The following LMTK2 variants were observed in gnomAD, a reference collection of about 807,000 sequenced individuals.
The protein encoded by LMTK2 is lemur tail kinase 2.
LMTK2 carries 37 observed loss-of-function variants against 127.5 expected under a neutral mutation model. The ratio of observed to expected loss-of-function variants is 0.29; its 90% CI spans 0.22 to 0.38. The LOEUF (loss-of-function observed/expected upper bound fraction) is 0.38. Among genes scored for constraint, LMTK2 ranks in the 10% least tolerant of loss-of-function variants. The probability of loss-of-function intolerance (pLI) is 1.00; values close to 1 mark genes in which losing one functional copy is unlikely to be tolerated. For synonymous variants in LMTK2, 819 were observed against 810.1 expected, an observed-to-expected ratio of 1.01 and a Z score of -0.19; for missense variants, 1,694 against 1,920.3, an observed-to-expected ratio of 0.88 and a Z score of 2.20.
At position 98,209,449 on chromosome 7, in the gene LMTK2, G is replaced by A. The variant is rs564973932; in HGVS notation, c.*3957G>A. The A allele has an allele frequency of 1.3e-5, 2 of 152,280 alleles. No individual in the cohort carries two copies. Among genetic ancestry groups the A allele is most frequent in the South Asian group, 4.1e-4 (2 of 4,826 alleles). The allele number at this position is 152,280 out of a possible 1,614,324, so 9.4% of individuals were successfully genotyped here. A position where few individuals can be genotyped will look rare whatever the true frequency, so the allele number is the denominator to read the frequency against. ...GTCACACCCACCAGGCCTCCCTGCT[G>A]TGCTTTAACACAGGCAGAAGAGGTT... On this transcript the variant is annotated 3_prime_UTR_variant, in exon 14 of 14. Transcript: ENST00000297293.
At chr7:98,177,181 G>T (rs1408115727) in intron 7 of LMTK2, among the ~76,000 whole-genome samples, 2 of 152,194 alleles carry the variant, frequency 1.3e-5, no homozygotes, top group Admixed American at 6.5e-5. Context: ...ATTCATAAAA[G>T]AATTTGTTGT....
chr7:98,159,835 A>C (rs542105941), intron 6 of LMTK2, among the ~76,000 whole-genome samples: 21 of 152,302 alleles, frequency 1.4e-4, no homozygotes, highest in African/African-American at 4.3e-4. Context: ...CCCCTGAGAG[A>C]GCCCAAGAAT....
chr7:98,192,161 G>C lies in LMTK2; in HGVS notation c.1696G>C (p.Asp566His). ...EEKSGSNLEL[D>H]YPPALLTTDM... Reference sequence around the variant, plus strand: ...AAAAAGTGGTAGTAACTTGGAGCTTGATTACCCACCAGCGCTGCTCACAAC... The same window carrying C: ...AAAAAGTGGTAGTAACTTGGAGCTTCATTACCCACCAGCGCTGCTCACAAC... Residue 566 changes from aspartate (D) to histidine (H), a missense_variant, in exon 11 of 14, where the codon GAT (aspartate) becomes CAT (histidine). Physicochemically the swap from Asp to His is moderately conservative, Grantham distance 81. Coordinates refer to ENST00000297293, the MANE Select transcript of LMTK2 (RefSeq NM_014916.4). 6.5e-7 allele frequency: 1 copy of C among 1,529,298 alleles called. No individual in the cohort carries two copies. The highest frequency in any genetic ancestry group is 8.8e-7 in the Non-Finnish European group (1 of 1,141,156). 94.7% of individuals were successfully genotyped at this position (1,529,298 alleles called of 1,614,324 possible).
chr7:98,165,007 T>C (rs1360976251), intron 6 of LMTK2, among the ~76,000 whole-genome samples: 1 of 152,100 alleles, frequency 6.6e-6, no homozygotes, highest in Admixed American at 6.6e-5. Flanking sequence ...GGATGTCCAC[T>C]GTTTCTGAAG....
At position 98,208,423 on chromosome 7, in the gene LMTK2, A is replaced by G. The variant is rs1797841296; in HGVS notation, c.*2931A>G. On this transcript the variant is annotated 3_prime_UTR_variant, in exon 14 of 14. Coordinates refer to ENST00000297293, the MANE Select transcript of LMTK2 (RefSeq NM_014916.4). ...TTATTTTTTAACTAATAAGTTGGTT[A>G]TCAGTGGTGGGTTTTCAAAATGTAC... 6.6e-6 allele frequency: 1 copy of G among 152,208 alleles called. No individual in the cohort carries two copies. Among genetic ancestry groups the G allele is most frequent in the African/African-American group, 2.4e-5 (1 of 41,446 alleles). The allele number at this position is 152,208 out of a possible 1,614,324, so 9.4% of individuals were successfully genotyped here.
chr7:98,206,044 A>T lies in LMTK2; in HGVS notation c.*552A>T, dbSNP rs989540065. The T allele has an allele frequency of 2.6e-5, 4 of 154,262 alleles. No homozygotes were observed. Among genetic ancestry groups the T allele is most frequent in the Admixed American group, 2.6e-4 (4 of 15,624 alleles). The allele number at this position is 154,262 out of a possible 1,614,324, so 9.6% of individuals were successfully genotyped here. On this transcript the variant is annotated 3_prime_UTR_variant, in exon 14 of 14. Coordinates refer to ENST00000297293, the MANE Select transcript of LMTK2 (RefSeq NM_014916.4). The stretch of plus-strand genomic sequence containing the variant: ...TTCAGTTATTCGAGGGGAATGAGGC[A>T]GGTCAAGCCGATGCTAGCCACTAGT...
At chr7:98,159,543 T>C in intron 6 of LMTK2, 118 bp downstream of exon 6, 4 of 709,176 alleles carry the variant, frequency 5.6e-6, no homozygotes, top group Non-Finnish European at 1.0e-5. Context: ...CTTGAAGAAC[T>C]TTATGATGAG....
intron 5 of LMTK2, among the ~76,000 whole-genome samples, chr7:98,158,322 T>A (rs565273863): frequency 6.6e-6 from 1 of 152,340 alleles, no homozygotes; most frequent in South Asian, 2.1e-4. Context: ...TCCCCCGGGC[T>A]GGAGTGCAGT....
rs35422809 is a variant in LMTK2, at chr7:98,150,307, CA to C, written c.377-1060del. On this transcript the variant is annotated intron_variant, in intron 3 of 13. Transcript: ENST00000297293. ...TGGGTGACAGAGCGAGACCCTGTCT[CA>C]AAAAAAAAAAAAAAGGAAAAATGAA... 3.0e-3 allele frequency among the ~76,000 whole-genome samples: 351 copies of C among 116,900 alleles called. 1 individual carries two copies. The highest frequency in any genetic ancestry group is 7.7e-3 in the East Asian group (33 of 4,308). 76.7% of individuals were successfully genotyped at this position (116,900 alleles called of 152,430 possible).
In LMTK2 at chr7:98,192,712, T is replaced by G; in HGVS notation, c.2247T>G (p.Leu749=). 6.2e-7 allele frequency: 1 copy of G among 1,612,344 alleles called. No homozygotes were observed. Among genetic ancestry groups the G allele is most frequent in the Non-Finnish European group, 8.5e-7 (1 of 1,179,336 alleles). The change falls in exon 11 of 14, where the codon CTT becomes CTG. Residue 749 remains leucine (L), a synonymous_variant. Coordinates refer to ENST00000297293, the MANE Select transcript of LMTK2 (RefSeq NM_014916.4). ...ACATAAATGATCTTCAGACAGAACT[T>G]AAGAATGCTGGTTTTACTGAAGCTA... ...KEHINDLQTE[L]KNAGFTEAML...
intron 1 of LMTK2, among the ~76,000 whole-genome samples, chr7:98,125,931 G>C (rs1796438587): frequency 6.6e-6 from 1 of 152,192 alleles, no homozygotes; most frequent in Admixed American, 6.5e-5. Context: ...CGCCAGGCCT[G>C]CTTCAATATT....
At position 98,121,312 on chromosome 7, in the gene LMTK2, C is replaced by T. The variant is rs188940388; in HGVS notation, c.103+14032C>T. Among the ~76,000 whole-genome samples, 147 of 152,214 alleles carry T rather than the reference C, an allele frequency of 9.7e-4. 1 individual carries two copies. The highest frequency in any genetic ancestry group is 3.4e-3 in the African/African-American group (140 of 41,520). Reference sequence around the variant, plus strand: ...AATCATAAGATTGCCTCTTGAAGTACTAAAGAAAATGCCATATTGAAAATT... The same window carrying T: ...AATCATAAGATTGCCTCTTGAAGTATTAAAGAAAATGCCATATTGAAAATT... On this transcript the variant is annotated intron_variant, in intron 1 of 13. Coordinates refer to ENST00000297293, the MANE Select transcript of LMTK2 (RefSeq NM_014916.4).
rs1797858523 is a variant in LMTK2, at chr7:98,209,466, G to C, written c.*3974G>C. 6.6e-6 allele frequency: 1 copy of C among 152,236 alleles called. No homozygotes were observed. Among genetic ancestry groups the C allele is most frequent in the African/African-American group, 2.4e-5 (1 of 41,460 alleles). 9.4% of individuals were successfully genotyped at this position (152,236 alleles called of 1,614,324 possible). On this transcript the variant is annotated 3_prime_UTR_variant, in exon 14 of 14. Transcript: ENST00000297293. ...TCCCTGCTGTGCTTTAACACAGGCA[G>C]AAGAGGTTCATGGCAATATAATAGT...
chr7:98,114,908 G>A (rs950897963), intron 1 of LMTK2, among the ~76,000 whole-genome samples: 1 of 151,852 alleles, frequency 6.6e-6, no homozygotes, highest in Non-Finnish European at 1.5e-5. Flanking sequence ...ATTGATCCTG[G>A]CCCAGCCCTT....
chr7:98,140,884 C>CA (rs35204584), intron 2 of LMTK2, among the ~76,000 whole-genome samples: 44,153 of 133,940 alleles, frequency 0.33, 8,540 homozygotes, highest in African/African-American at 0.58. Flanking sequence ...TCTGCCTCTA[C>CA]AAAAAAAAAA....
chr7:98,106,991 C>T lies in LMTK2; in HGVS notation c.-187C>T. On this transcript the variant is annotated 5_prime_UTR_variant, in exon 1 of 14. Coordinates refer to ENST00000297293, the MANE Select transcript of LMTK2 (RefSeq NM_014916.4). ...CAGGCGGGCGGGAAGGATGGTGTTT[C>T]TGCGACTGGAGCGGCAGGTGCGGAC... is the stretch of plus-strand genomic sequence containing the variant. 3 of 469,142 alleles carry T rather than the reference C, an allele frequency of 6.4e-6. No homozygotes were observed. The highest frequency in any genetic ancestry group is 1.1e-5 in the Non-Finnish European group (3 of 266,460). The allele number at this position is 469,142 out of a possible 1,614,324, so 29.1% of individuals were successfully genotyped here. A position where few individuals can be genotyped will look rare whatever the true frequency, so the allele number is the denominator to read the frequency against.
Position 98,207,656 on chromosome 7 carries a change from C to T in LMTK2, c.*2164C>T, listed in dbSNP as rs1314305183. Reference sequence around the variant, plus strand: ...TGAAGAGAAATGAGACGTGATTATACTACTTTTTCAATTGCAGGTTTAAGG... The same window carrying T: ...TGAAGAGAAATGAGACGTGATTATATTACTTTTTCAATTGCAGGTTTAAGG... On this transcript the variant is annotated 3_prime_UTR_variant, in exon 14 of 14. Transcript: ENST00000297293. 25 of 152,140 alleles carry T rather than the reference C, an allele frequency of 1.6e-4. No homozygotes were observed. Among genetic ancestry groups the T allele is most frequent in the Non-Finnish European group, 2.9e-5 (2 of 68,022 alleles). The allele number at this position is 152,140 out of a possible 1,614,324, so 9.4% of individuals were successfully genotyped here.
rs890552988 is a variant in LMTK2, at chr7:98,106,958, C to A, written c.-220C>A. ...CGTTGCTGCTGTTGAGAGGCGGCGG[C>A]GGCGGCGCAGGCGGGCGGGAAGGAT... On this transcript the variant is annotated 5_prime_UTR_variant, in exon 1 of 14. Transcript: ENST00000297293. 12 of 460,212 alleles carry A rather than the reference C, an allele frequency of 2.6e-5. No individual in the cohort carries two copies. The highest frequency in any genetic ancestry group is 4.4e-5 in the Admixed American group (1 of 22,864). The allele number at this position is 460,212 out of a possible 1,614,324, so 28.5% of individuals were successfully genotyped here.
rs146374859 is a variant in LMTK2, at chr7:98,194,314, T to A, written c.3849T>A (p.Asp1283Glu). The part of the protein sequence containing the change: ...GMLDLSEDGM[D>E]ADEEDENSDD... ...TCGACCTCTCAGAGGACGGGATGGA[T>A]GCAGACGAGGAGGACGAAAACAGCG... Residue 1283 changes from aspartate to glutamate, a missense_variant, in exon 11 of 14, where the codon GAT becomes GAA. Physicochemically the swap from Asp to Glu is conservative, Grantham distance 45 (BLOSUM62 2). This residue lies in a region of LMTK2 where 554 missense variants were observed against 567.7 expected (regional missense o/e 0.98). Coordinates refer to ENST00000297293, the MANE Select transcript of LMTK2 (RefSeq NM_014916.4). This position sits in a 1 kb window ranked among gnomAD's most constrained non-coding sequence, Gnocchi z 5.4. 11 of 1,613,962 alleles carry A rather than the reference T, an allele frequency of 6.8e-6. No individual in the cohort carries two copies. The highest frequency in any genetic ancestry group is 8.5e-6 in the Non-Finnish European group (10 of 1,180,010).
Sources: gnomAD v4.1 joint callset for allele counts (sites outside exome capture counted in the v4.1 genomes callset) on GRCh38, gnomAD v4.1.1 for gene constraint, gnomAD v4.1.1 regional missense constraint, Gnocchi (gnomAD v3.1) non-coding constraint, MANE v1.5 for transcripts, NCBI Gene and HGNC (gene_info 2026-07-23, HGNC 2026-07-21) for gene names.